Variants in CDK14 observed in about 807,000 individuals in gnomAD.
CDK14 encodes the protein cyclin-dependent kinase 14.
A neutral mutation model predicts 60.7 loss-of-function variants in CDK14; 34 were observed. That is an observed-to-expected ratio of 0.56 (90% CI 0.43 to 0.75). The LOEUF (loss-of-function observed/expected upper bound fraction) is 0.75, where lower values mean the gene tolerates loss of function less well. CDK14 is among the 30% of genes least tolerant of loss of function. The pLI is 0.00. For synonymous variants in CDK14, 197 were observed against 203.7 expected, an observed-to-expected ratio of 0.97 and a Z score of 0.28; for missense variants, 482 against 564.1, an observed-to-expected ratio of 0.85 and a Z score of 1.47.
chr7:90,600,925 A>G (rs978741073), intron 1 of CDK14, among the ~76,000 whole-genome samples: 6 of 152,250 alleles, frequency 3.9e-5, no homozygotes, highest in Admixed American at 1.3e-4. Flanking sequence ...TCTGACAGTC[A>G]GATCGACTGA....
chr7:90,745,199 T>C (rs1036574859), intron 3 of CDK14, among the ~76,000 whole-genome samples: 1 of 152,236 alleles, frequency 6.6e-6, no homozygotes, highest in Non-Finnish European at 1.5e-5. Flanking sequence ...CTACTGTTCC[T>C]TGCCTTTTCC....
At chr7:90,674,221 C>T (rs1235664225) in intron 2 of CDK14, among the ~76,000 whole-genome samples, 3 of 152,090 alleles carry the variant, frequency 2.0e-5, no homozygotes, top group African/African-American at 4.8e-5. Flanking sequence ...AAAAATGCAG[C>T]CTTTGAAGCA....
chr7:91,146,863 T>G (rs1800653525), intron 14 of CDK14, among the ~76,000 whole-genome samples: 2 of 152,180 alleles, frequency 1.3e-5, no homozygotes, highest in Admixed American at 1.3e-4. Context: ...TCTGCCTCCT[T>G]TTTTCTTTGA....
chr7:90,669,922 G>C lies in CDK14; in HGVS notation c.124-56645G>C, dbSNP rs1433424222. On this transcript the variant is annotated intron_variant, in intron 2 of 14. Coordinates refer to ENST00000380050, the MANE Select transcript of CDK14 (RefSeq NM_001287135.2). Reference sequence around the variant, plus strand: ...CAGGAGTGGGTAACTATTGAGGAGGGTTTAAGGAACTGGAAAAAGTCCTCA... The same window carrying C: ...CAGGAGTGGGTAACTATTGAGGAGGCTTTAAGGAACTGGAAAAAGTCCTCA... 3.3e-5 allele frequency among the ~76,000 whole-genome samples: 5 copies of C among 152,202 alleles called. No individual in the cohort carries two copies. The South Asian group carries it at 1.0e-3, about 32-fold the overall frequency.
chr7:90,737,244 G>A (rs1194363472), intron 3 of CDK14, among the ~76,000 whole-genome samples: 4 of 152,144 alleles, frequency 2.6e-5, no homozygotes, highest in East Asian at 3.9e-4. Context: ...GGATTTCATT[G>A]AGTTATGCTG....
intron 6 of CDK14, among the ~76,000 whole-genome samples, chr7:90,897,260 A>T (rs1443599968): frequency 1.3e-5 from 2 of 152,010 alleles, no homozygotes; most frequent in Non-Finnish European, 2.9e-5. Flanking sequence ...ATAAACATTT[A>T]TTTTCAGACT....
chr7:90,774,702 G>A (rs1466424023), intron 4 of CDK14, among the ~76,000 whole-genome samples: 1 of 152,116 alleles, frequency 6.6e-6, no homozygotes, highest in Non-Finnish European at 1.5e-5. Context: ...AAGGGCCTTT[G>A]CAGGCAACCA....
intron 2 of CDK14, among the ~76,000 whole-genome samples, chr7:90,606,256 A>C (rs1799416311): frequency 6.6e-6 from 1 of 152,216 alleles, no homozygotes; most frequent in Admixed American, 6.5e-5. Context: ...GTGGTAATGA[A>C]GGCATGCCGG....
intron 10 of CDK14, among the ~76,000 whole-genome samples, chr7:91,010,648 C>T (rs1796124919): frequency 6.6e-6 from 1 of 151,886 alleles, no homozygotes; most frequent in Non-Finnish European, 1.5e-5. Context: ...TGGTAGATTA[C>T]ATAGATATTC....
intron 9 of CDK14, among the ~76,000 whole-genome samples, chr7:90,976,012 G>A (rs1795062125): frequency 6.6e-6 from 1 of 152,080 alleles, no homozygotes; most frequent in Non-Finnish European, 1.5e-5. Flanking sequence ...GGGTGCAAAT[G>A]TCTCTTCAAT....
At chr7:91,161,336 G>A (rs1244280111) in intron 14 of CDK14, among the ~76,000 whole-genome samples, 1 of 152,182 alleles carries the variant, frequency 6.6e-6, no homozygotes, top group South Asian at 2.1e-4. Flanking sequence ...AGAGTGGGAT[G>A]TAAAGCCAAA....
At chr7:90,691,380 A>G (rs1801549960) in intron 2 of CDK14, among the ~76,000 whole-genome samples, 1 of 152,184 alleles carries the variant, frequency 6.6e-6, no homozygotes, top group Admixed American at 6.6e-5. Context: ...GACTTCACAG[A>G]AAAGATGACT....
chr7:91,205,335 C>T (rs1353420276), intron 14 of CDK14, among the ~76,000 whole-genome samples: 1 of 152,116 alleles, frequency 6.6e-6, no homozygotes, highest in African/African-American at 2.4e-5. Flanking sequence ...TATATTCATA[C>T]AATAGAATAT....
chr7:91,111,671 A>C (rs1799471520), intron 12 of CDK14, among the ~76,000 whole-genome samples: 1 of 152,182 alleles, frequency 6.6e-6, no homozygotes, highest in Non-Finnish European at 1.5e-5. Flanking sequence ...CTCAGACTAT[A>C]ATAAATACGA....
intron 4 of CDK14, among the ~76,000 whole-genome samples, chr7:90,752,725 T>C (rs142259628): frequency 2.0e-5 from 3 of 152,158 alleles, no homozygotes; most frequent in East Asian, 3.9e-4. Context: ...CAAAAGTTGG[T>C]TCTTTGAAAG....
intron 14 of CDK14, among the ~76,000 whole-genome samples, chr7:91,178,534 A>G (rs1342111612): frequency 1.3e-5 from 2 of 151,334 alleles, no homozygotes; most frequent in Non-Finnish European, 2.9e-5. Flanking sequence ...AACCTACAAA[A>G]TGAGAGAAAA....
At chr7:90,930,858 G>A (rs560790436) in intron 8 of CDK14, among the ~76,000 whole-genome samples, 1 of 152,094 alleles carries the variant, frequency 6.6e-6, no homozygotes, top group Non-Finnish European at 1.5e-5. Flanking sequence ...ATTTGTGCTT[G>A]TAATATTAGC....
intron 10 of CDK14, among the ~76,000 whole-genome samples, chr7:91,010,917 A>C (rs1010601189): frequency 2.8e-5 from 4 of 144,354 alleles, no homozygotes; most frequent in African/African-American, 7.7e-5. Flanking sequence ...CTCCAGTATA[A>C]TATTAAATGA....
chr7:90,702,737 G>T (rs1801814340), intron 2 of CDK14, among the ~76,000 whole-genome samples: 1 of 152,146 alleles, frequency 6.6e-6, no homozygotes. Context: ...TGAGACAAAA[G>T]AAGTATATTA....
Sources: gnomAD v4.1 joint callset for allele counts (sites outside exome capture counted in the v4.1 genomes callset) on GRCh38, gnomAD v4.1.1 for gene constraint, MANE v1.5 for transcripts, NCBI Gene and HGNC (gene_info 2026-07-23, HGNC 2026-07-21) for gene names.